ZNF461: variants seen among roughly 807,000 people sequenced by gnomAD.
ZNF461 encodes zinc finger protein 461, also known as gonadotropin-inducible ovarian transcription factor-1.
ZNF461 carries 16 observed loss-of-function variants against 18.3 expected under a neutral mutation model. That is an observed-to-expected ratio of 0.88 (90% confidence interval 0.59 to 1.33). ZNF461 has a LOEUF of 1.33. Among genes scored for constraint, ZNF461 ranks in the 40% most tolerant of loss-of-function variants. The pLI is 0.00. For missense variants in ZNF461, 595 were observed against 669.9 expected (o/e 0.89, Z 1.23); for synonymous variants, 179 against 216.9 (o/e 0.83, Z 1.54).
In ZNF461 at chr19:36,639,023, T is replaced by A; in HGVS notation, c.1322A>T (p.Tyr441Phe). Reference sequence around the variant, plus strand: ...AGTCTTCCCACATTCCTTACACTCATAGGGTTTCTCACCAGTATGAATCCT... The same window carrying A: ...AGTCTTCCCACATTCCTTACACTCAAAGGGTTTCTCACCAGTATGAATCCT... The part of the protein sequence containing the change: ...HQRIHTGEKP[Y>F]ECKECGKTFR... Residue 441 changes from tyrosine (Y) to phenylalanine (F), a missense_variant, in exon 6 of 6, where the codon TAT (tyrosine) becomes TTT (phenylalanine). Transcript: ENST00000588268. 6.2e-7 allele frequency: 1 copy of A among 1,614,086 alleles called. No homozygotes were observed. Among genetic ancestry groups the A allele is most frequent in the East Asian group, 2.2e-5 (1 of 44,880 alleles).
At chr19:36,663,992 C>T (rs575659463) in intron 2 of ZNF461, among the ~76,000 whole-genome samples, 1 of 152,164 alleles carries the variant, frequency 6.6e-6, no homozygotes, top group East Asian at 1.9e-4. Context: ...TGATTTATTC[C>T]GTTACCTAGA....
At chr19:36,651,479 A>G (rs1472195423) in intron 4 of ZNF461, among the ~76,000 whole-genome samples, 3 of 150,072 alleles carry the variant, frequency 2.0e-5, no homozygotes, top group Non-Finnish European at 4.5e-5. Flanking sequence ...AATCTCTAAG[A>G]AAAAAAAACT....
chr19:36,649,057 T>C (rs1024003587), intron 4 of ZNF461, among the ~76,000 whole-genome samples: 1 of 152,180 alleles, frequency 6.6e-6, no homozygotes, highest in African/African-American at 2.4e-5. Context: ...AGATCTTTAC[T>C]AAATCTAACA....
At chr19:36,651,707 C>A (rs1024220674) in intron 4 of ZNF461, among the ~76,000 whole-genome samples, 9 of 152,136 alleles carry the variant, frequency 5.9e-5, no homozygotes, top group South Asian at 2.1e-4. Flanking sequence ...TGGAGAGGCA[C>A]GCTGTGTTCA....
At chr19:36,653,752 G>C (rs535747572) in intron 4 of ZNF461, among the ~76,000 whole-genome samples, 1 of 152,270 alleles carries the variant, frequency 6.6e-6, no homozygotes, top group East Asian at 1.9e-4. Context: ...CAACACGTGG[G>C]AATTATGGCA....
chr19:36,640,635 C>T (rs2037407815), intron 5 of ZNF461, among the ~76,000 whole-genome samples: 1 of 152,272 alleles, frequency 6.6e-6, no homozygotes, highest in East Asian at 1.9e-4. Flanking sequence ...GGCCCACGCC[C>T]TATATTGCCT....
At chr19:36,642,842 C>T (rs1442032932) in intron 5 of ZNF461, among the ~76,000 whole-genome samples, 1 of 151,780 alleles carries the variant, frequency 6.6e-6, no homozygotes, top group East Asian at 1.9e-4. Flanking sequence ...GCAACCTCCG[C>T]CTCCTGGGTT....
At chr19:36,661,490 T>A (rs1016226904) in intron 2 of ZNF461, among the ~76,000 whole-genome samples, 2 of 150,314 alleles carry the variant, frequency 1.3e-5, no homozygotes, top group East Asian at 2.0e-4. Flanking sequence ...GGAAAAAAAA[T>A]TTAAAAAGAA....
chr19:36,639,040 A>G lies in ZNF461; in HGVS notation c.1305T>C (p.His435=), dbSNP rs1398212619. The part of the protein sequence containing the change: ...GLQLTLHQRI[H]TGEKPYECKE... ...TACACTCATAGGGTTTCTCACCAGT[A>G]TGAATCCTCTGATGTAGGGTTAGTT... is the stretch of plus-strand genomic sequence containing the variant. The change falls in exon 6 of 6, where the codon CAT becomes CAC. Residue 435 remains histidine, a synonymous_variant. Coordinates refer to ENST00000588268, the MANE Select transcript of ZNF461 (RefSeq NM_153257.5). 3 of 1,614,090 alleles carry G rather than the reference A, an allele frequency of 1.9e-6. No homozygotes were observed. Among genetic ancestry groups the G allele is most frequent in the South Asian group, 1.1e-5 (1 of 91,074 alleles).
chr19:36,655,087 C>T (rs1241229372), intron 4 of ZNF461, among the ~76,000 whole-genome samples: 1 of 152,164 alleles, frequency 6.6e-6, no homozygotes, highest in Non-Finnish European at 1.5e-5. Flanking sequence ...CTCCTGGGCT[C>T]AAGTGATCTC....
chr19:36,643,683 C>G, intron 5 of ZNF461, 111 bp downstream of exon 5: 1 of 1,033,904 alleles, frequency 9.7e-7, no homozygotes, highest in Non-Finnish European at 1.3e-6. Context: ...TCTGTGTGTT[C>G]TAGAAGTTTC....
chr19:36,660,948 A>G (rs1267256406), intron 2 of ZNF461, among the ~76,000 whole-genome samples: 1 of 152,218 alleles, frequency 6.6e-6, no homozygotes, highest in Non-Finnish European at 1.5e-5. Context: ...AAGCAAATTT[A>G]GAAATAAAAT....
At chr19:36,655,708 C>G (rs944900044) in intron 4 of ZNF461, among the ~76,000 whole-genome samples, 3 of 152,134 alleles carry the variant, frequency 2.0e-5, no homozygotes, top group Non-Finnish European at 4.4e-5. Flanking sequence ...CTTTTGTTGC[C>G]AGTGCTTTTG....
At chr19:36,643,696 G>C in intron 5 of ZNF461, 98 bp downstream of exon 5, 3 of 1,186,048 alleles carry the variant, frequency 2.5e-6, no homozygotes, top group Non-Finnish European at 3.3e-6. Flanking sequence ...GAAGTTTCTA[G>C]AGTAGTAGGT....
intron 5 of ZNF461, among the ~76,000 whole-genome samples, chr19:36,642,761 G>T (rs1418734695): frequency 7.0e-6 from 1 of 143,074 alleles, no homozygotes; most frequent in African/African-American, 2.7e-5. Context: ...TGTTTTTGGT[G>T]GGGGGGGGTG....
intron 3 of ZNF461, chr19:36,657,819 A>G (rs934347249): frequency 1.3e-5 from 2 of 152,388 alleles, no homozygotes; most frequent in Non-Finnish European, 2.9e-5. Context: ...GAAAGATTAC[A>G]TTTATTATAG....
At chr19:36,642,980 G>T (rs1446117282) in intron 5 of ZNF461, among the ~76,000 whole-genome samples, 2 of 151,912 alleles carry the variant, frequency 1.3e-5, no homozygotes, top group African/African-American at 4.8e-5. Context: ...TGCTGGCCAG[G>T]CTGGTCTCGA....
rs748182035 is a variant in ZNF461 at position 36,638,760 on chromosome 19, T to G, written c.1585A>C (p.Lys529Gln). ...HSGKKPYQCGKAFNHRLQLNL... is the reference protein window; with the variant it reads ...HSGKKPYQCGQAFNHRLQLNL... ...AGTTGTAATCTATGATTAAACGCCT[T>G]CCCGCATTGATAAGGTTTCTTTCCA... Residue 529 changes from lysine (K) to glutamine (Q), a missense_variant, in exon 6 of 6, where the codon AAG (lysine) becomes CAG (glutamine). Coordinates refer to ENST00000588268, the MANE Select transcript of ZNF461 (RefSeq NM_153257.5). 118 of 1,614,056 alleles carry G rather than the reference T, an allele frequency of 7.3e-5. No homozygotes were observed. Among genetic ancestry groups the G allele is most frequent in the Non-Finnish European group, 9.6e-5 (113 of 1,180,022 alleles).
intron 1 of ZNF461, among the ~76,000 whole-genome samples, chr19:36,665,484 G>A (rs968606776): frequency 6.6e-6 from 1 of 152,160 alleles, no homozygotes; most frequent in African/African-American, 2.4e-5. Flanking sequence ...GCAGATGCGG[G>A]CGGATCACGA....
Sources: gnomAD v4.1 joint callset for allele counts (sites outside exome capture counted in the v4.1 genomes callset) on GRCh38, gnomAD v4.1.1 for gene constraint, MANE v1.5 for transcripts, NCBI Gene and HGNC (gene_info 2026-07-23, HGNC 2026-07-21) for gene names.